The following CPNE4 variants were observed in gnomAD, a reference collection of about 807,000 sequenced individuals.
The protein encoded by CPNE4 is copine-4.
CPNE4 carries 25 observed loss-of-function variants against 67.9 expected under a neutral mutation model. The ratio of observed to expected loss-of-function variants is 0.37; its 90% CI spans 0.27 to 0.51. The LOEUF is 0.51. CPNE4 is among the 20% of genes least tolerant of loss of function. CPNE4 has a pLI of 0.93. For synonymous variants in CPNE4, 242 were observed against 244.9 expected, an observed-to-expected ratio of 0.99 and a Z score of 0.11; for missense variants, 464 against 690.8, an observed-to-expected ratio of 0.67 and a Z score of 3.68.
intron 2 of CPNE4, among the ~76,000 whole-genome samples, chr3:131,902,135 A>G (rs569242559): frequency 6.8e-4 from 104 of 152,226 alleles, no homozygotes; most frequent in Non-Finnish European, 1.2e-3. Context: ...AAAATTTGCT[A>G]AACTGCTTCT....
At chr3:131,827,916 T>C (rs150256743) in intron 2 of CPNE4, among the ~76,000 whole-genome samples, 1 of 152,098 alleles carries the variant, frequency 6.6e-6, no homozygotes, top group African/African-American at 2.4e-5. Flanking sequence ...TCTTAAAAAA[T>C]ACCTTGTGAC....
chr3:131,633,193 A>G (rs1167055096), intron 7 of CPNE4, among the ~76,000 whole-genome samples: 2 of 152,064 alleles, frequency 1.3e-5, no homozygotes, highest in Non-Finnish European at 2.9e-5. Context: ...TTCCATCTCA[A>G]CATTTTCACC....
At chr3:131,919,470 GA>G (rs1341150493) in intron 1 of CPNE4, among the ~76,000 whole-genome samples, 1 of 152,176 alleles carries the variant, frequency 6.6e-6, no homozygotes, top group African/African-American at 2.4e-5. Context: ...CATGCTGTAT[GA>G]TCCCAATTTT....
chr3:131,852,700 T>C (rs1437244462), intron 2 of CPNE4, among the ~76,000 whole-genome samples: 1 of 151,774 alleles, frequency 6.6e-6, no homozygotes, highest in East Asian at 1.9e-4. Context: ...TCAGGAGTGA[T>C]GTGTCATTAC....
At chr3:132,009,186 T>C (rs909334057) in intron 1 of CPNE4, among the ~76,000 whole-genome samples, 1 of 152,128 alleles carries the variant, frequency 6.6e-6, no homozygotes, top group African/African-American at 2.4e-5. Context: ...CTGTGGCATA[T>C]GTCAGGGTCT....
At chr3:131,639,957 A>G (rs1320996637) in intron 7 of CPNE4, among the ~76,000 whole-genome samples, 1 of 152,198 alleles carries the variant, frequency 6.6e-6, no homozygotes, top group Admixed American at 6.5e-5. Flanking sequence ...AAAATCCAGT[A>G]TCCCTTTATG....
chr3:131,943,866 T>A (rs779226625), intron 1 of CPNE4, among the ~76,000 whole-genome samples: 4 of 152,142 alleles, frequency 2.6e-5, no homozygotes, highest in Non-Finnish European at 4.4e-5. Context: ...TAAAGTCCCC[T>A]CAAACATACC....
chr3:131,744,446 C>A (rs2082437112), intron 2 of CPNE4, among the ~76,000 whole-genome samples: 1 of 152,148 alleles, frequency 6.6e-6, no homozygotes, highest in African/African-American at 2.4e-5. Flanking sequence ...CCCTTGTACC[C>A]TTTATTCAGT....
intron 2 of CPNE4, among the ~76,000 whole-genome samples, chr3:131,899,865 G>T (rs769022992): frequency 2.6e-5 from 4 of 152,072 alleles, no homozygotes; most frequent in Admixed American, 6.6e-5. Context: ...ATGAAAGGGT[G>T]CTGGCCCACT....
At chr3:131,966,096 A>G (rs2107933655) in intron 1 of CPNE4, among the ~76,000 whole-genome samples, 1 of 152,362 alleles carries the variant, frequency 6.6e-6, no homozygotes, top group East Asian at 1.9e-4. Context: ...CTACATGGAA[A>G]CTGAACAACC....
intron 3 of CPNE4, among the ~76,000 whole-genome samples, chr3:131,710,488 T>C (rs1365452675): frequency 6.6e-6 from 1 of 152,222 alleles, no homozygotes; most frequent in South Asian, 2.1e-4. Context: ...GAACTGCTAC[T>C]CTACCTTTTC....
chr3:131,698,425 A>G (rs2081210716), intron 4 of CPNE4, among the ~76,000 whole-genome samples: 2 of 151,922 alleles, frequency 1.3e-5, no homozygotes, highest in South Asian at 2.1e-4. Context: ...CCGTGGGTCC[A>G]TAGCTTTTCA....
chr3:131,705,590 A>C, intron 3 of CPNE4, among the ~76,000 whole-genome samples: 1 of 152,166 alleles, frequency 6.6e-6, no homozygotes, highest in Admixed American at 6.6e-5. Context: ...GGTGATGTGC[A>C]TGTGTGTCTA....
chr3:131,873,548 T>A (rs1238738775), intron 2 of CPNE4, among the ~76,000 whole-genome samples: 1 of 152,252 alleles, frequency 6.6e-6, no homozygotes, highest in African/African-American at 2.4e-5. Context: ...CTTGAGACTT[T>A]ATTTAGAGAA....
At chr3:131,818,883 C>T (rs945556930) in intron 2 of CPNE4, among the ~76,000 whole-genome samples, 6 of 152,092 alleles carry the variant, frequency 3.9e-5, no homozygotes, top group South Asian at 4.2e-4. Context: ...AGGCAGATCA[C>T]GAGGTCAAGG....
intron 1 of CPNE4, among the ~76,000 whole-genome samples, chr3:131,957,691 G>C (rs769286079): frequency 2.0e-5 from 3 of 152,174 alleles, no homozygotes; most frequent in Non-Finnish European, 4.4e-5. Flanking sequence ...TGCTAACTGT[G>C]GGAGGCATTT....
chr3:131,900,032 C>A (rs1274099955), intron 2 of CPNE4, among the ~76,000 whole-genome samples: 13 of 151,828 alleles, frequency 8.6e-5, no homozygotes, highest in Non-Finnish European at 2.9e-5. Context: ...CATATGGTGA[C>A]CAAACCCTAC....
chr3:132,039,018 A>G (rs1336076050), upstream of CPNE4, among the ~76,000 whole-genome samples: 1 of 152,212 alleles, frequency 6.6e-6, no homozygotes, highest in Non-Finnish European at 1.5e-5. Context: ...TATTAAAATC[A>G]AGTAAAATTA....
intron 1 of CPNE4, among the ~76,000 whole-genome samples, chr3:131,917,761 T>C (rs1253444659): frequency 1.3e-5 from 2 of 152,134 alleles, no homozygotes; most frequent in African/African-American, 4.8e-5. Flanking sequence ...GAAGGGAACA[T>C]TGGCTGAATT....
Sources: gnomAD v4.1 joint callset for allele counts (sites outside exome capture counted in the v4.1 genomes callset) on GRCh38, gnomAD v4.1.1 for gene constraint, MANE v1.5 for transcripts, NCBI Gene and HGNC (gene_info 2026-07-23, HGNC 2026-07-21) for gene names.